The following JAKMIP3 variants were observed in gnomAD, a reference collection of about 807,000 sequenced individuals.
The protein encoded by JAKMIP3 is Janus kinase and microtubule interacting protein 3, also known as janus kinase and microtubule-interacting protein 3.
JAKMIP3 carries 58 observed loss-of-function variants against 118.5 expected under a neutral mutation model. That is an observed-to-expected ratio of 0.49 (90% CI 0.40 to 0.61). The LOEUF (loss-of-function observed/expected upper bound fraction) is 0.61. Ranked by LOEUF, JAKMIP3 falls within the 20% of genes least tolerant of loss-of-function variation. The pLI, the probability that JAKMIP3 is intolerant of heterozygous loss-of-function variation, is 0.00. For missense variants in JAKMIP3, 950 were observed against 1,109.0 expected (o/e 0.86, Z 2.04); for synonymous variants, 486 against 451.2 (o/e 1.08, Z -0.98).
At chr10:132,099,225 C>G (rs888271512) in intron 1 of JAKMIP3, among the ~76,000 whole-genome samples, 1 of 152,084 alleles carries the variant, frequency 6.6e-6, no homozygotes, top group Non-Finnish European at 1.5e-5. Context: ...AGGGGGCCAG[C>G]CTCCTCGTCA....
At chr10:132,156,992 G>T (rs870554) in intron 19 of JAKMIP3, among the ~76,000 whole-genome samples, 4,752 of 152,246 alleles carry the variant, frequency 0.031, 204 homozygotes, top group South Asian at 0.17. Flanking sequence ...TGGGCATTCT[G>T]GTTTCTCTCC....
intron 1 of JAKMIP3, among the ~76,000 whole-genome samples, chr10:132,094,308 G>C (rs2043542230): frequency 6.6e-6 from 1 of 152,064 alleles, no homozygotes. Flanking sequence ...GAGCTAGTGT[G>C]ATTTTTTTGG....
intron 3 of JAKMIP3, among the ~76,000 whole-genome samples, chr10:132,120,302 T>C (rs1056952484): frequency 1.3e-5 from 2 of 152,210 alleles, no homozygotes; most frequent in Non-Finnish European, 2.9e-5. Flanking sequence ...CTGGGTCTGC[T>C]TGGGTCCTGC....
chr10:132,093,208 CG>C, intron 1 of JAKMIP3, among the ~76,000 whole-genome samples: 1 of 152,284 alleles, frequency 6.6e-6, no homozygotes, highest in East Asian at 1.9e-4. Flanking sequence ...TTAGGCTACT[CG>C]GGGGTCAGGG....
upstream of JAKMIP3, among the ~76,000 whole-genome samples, chr10:132,060,353 G>A (rs11146138): frequency 0.33 from 50,145 of 152,050 alleles, 8,713 homozygotes; most frequent in South Asian, 0.53. Flanking sequence ...GCAGGCACAG[G>A]CAGGCTCTGA....
At chr10:132,138,262 G>C in intron 9 of JAKMIP3, 84 bp downstream of exon 9, 1 of 1,273,230 alleles carries the variant, frequency 7.9e-7, no homozygotes, top group Non-Finnish European at 1.1e-6. Flanking sequence ...GAGAGCGCTG[G>C]TGTGTGCGGA....
At chr10:132,076,873 G>A (rs895399073) in intron 1 of JAKMIP3, among the ~76,000 whole-genome samples, 8 of 150,944 alleles carry the variant, frequency 5.3e-5, no homozygotes, top group South Asian at 4.2e-4. Flanking sequence ...GCTGGCCTGC[G>A]GTGTCCCCGG....
intron 1 of JAKMIP3, among the ~76,000 whole-genome samples, chr10:132,042,184 CTCCTTCCTTCCTTCCT>C (rs58374693): frequency 3.0e-5 from 4 of 132,094 alleles, no homozygotes; most frequent in African/African-American, 6.0e-5. Context: ...TGCTCGCTCG[CTCCTTCCTTCCTTCCT>C]TCCTTCCTTC....
At chr10:132,131,196 C>T (rs1564934293) in intron 3 of JAKMIP3, among the ~76,000 whole-genome samples, 5 of 125,280 alleles carry the variant, frequency 4.0e-5, no homozygotes, top group Non-Finnish European at 6.8e-5. Context: ...AGTATGGGGG[C>T]GTTGTGGGGA....
At chr10:132,098,584 C>T (rs1209058314) in intron 1 of JAKMIP3, among the ~76,000 whole-genome samples, 5 of 152,208 alleles carry the variant, frequency 3.3e-5, no homozygotes, top group Non-Finnish European at 5.9e-5. Flanking sequence ...GTGGCCACTG[C>T]AGATCAGAGT....
chr10:132,180,742 C>CGTGTGTGCGTGTGTGT lies in JAKMIP3; in HGVS notation c.*1104-1612_*1104-1611insTGTGCGTGTGTGTGTG, dbSNP rs1262889146. On this transcript the variant is annotated intron_variant, in intron 23 of 23. Transcript: ENST00000684848. ...GTGCGTGTGTGTGCGTGTGTGCGTGCGTGCGCGCGCGTGTGTGCGTGTGTG... is the reference window on the plus strand; with the variant it reads ...GTGCGTGTGTGTGCGTGTGTGCGTGCGTGTGTGCGTGTGTGTGTGCGCGCGCGTGTGTGCGTGTGTG... 2.3e-4 allele frequency among the ~76,000 whole-genome samples: 2 copies of CGTGTGTGCGTGTGTGT among 8,716 alleles called. 1 individual carries two copies. The highest frequency in any genetic ancestry group is 4.3e-4 in the Non-Finnish European group (2 of 4,630). The allele number at this position is 8,716 out of a possible 152,430, so 5.7% of individuals were successfully genotyped here.
At chr10:132,051,372 T>C (rs985965685) in intron 1 of JAKMIP3, among the ~76,000 whole-genome samples, 6 of 151,110 alleles carry the variant, frequency 4.0e-5, no homozygotes, top group African/African-American at 1.5e-4. Context: ...GGGGGGTACC[T>C]GCCTGTCTTT....
chr10:132,076,470 T>C (rs2040805313), intron 1 of JAKMIP3, among the ~76,000 whole-genome samples: 1 of 152,294 alleles, frequency 6.6e-6, no homozygotes, highest in South Asian at 2.1e-4. Flanking sequence ...GCCGTGAACA[T>C]ACCTGTGTGT....
intron 3 of JAKMIP3, among the ~76,000 whole-genome samples, chr10:132,124,244 C>G (rs568711819): frequency 2.0e-5 from 3 of 152,358 alleles, no homozygotes; most frequent in Admixed American, 2.0e-4. Flanking sequence ...GCGTCACAGC[C>G]GAGCCGGCCA....
In JAKMIP3 at chr10:132,137,105, G is replaced by A. The variant is rs1372084747; in HGVS notation, c.1203G>A (p.Lys401=). 6.2e-7 allele frequency: 1 copy of A among 1,613,954 alleles called. No homozygotes were observed. The highest frequency in any genetic ancestry group is 1.1e-5 in the South Asian group (1 of 91,082). The change falls in exon 7 of 24, where the codon AAG becomes AAA. Residue 401 remains lysine, a synonymous_variant. Coordinates refer to ENST00000684848, the MANE Select transcript of JAKMIP3 (RefSeq NM_001323087.2). ...ATGAGAGAGAAGTCGATTTCTTGAAGCTTCAGATTGTGGAGCAGCAAAACC... is the reference window on the plus strand; with the variant it reads ...ATGAGAGAGAAGTCGATTTCTTGAAACTTCAGATTGTGGAGCAGCAAAACC... The part of the protein sequence containing the change: ...SQDEREVDFL[K]LQIVEQQNLI...
Position 132,135,116 on chromosome 10 carries a change from C to T in JAKMIP3, c.925C>T (p.Leu309=), listed in dbSNP as rs772602276. ...IAELSAIIRK[L]EDRNALLSEE... ...GGAGTTAAGTGCGATTATCCGCAAA[C>T]TGGAGGACCGCAATGCATTGCTGTC... The change falls in exon 5 of 24, where the codon CTG becomes TTG. Residue 309 remains leucine, a synonymous_variant. Coordinates refer to ENST00000684848, the MANE Select transcript of JAKMIP3 (RefSeq NM_001323087.2). The T allele has an allele frequency of 6.2e-7, 1 of 1,613,316 alleles. No homozygotes were observed. The highest frequency in any genetic ancestry group is 1.1e-5 in the South Asian group (1 of 91,064).
At chr10:132,129,873 A>G (rs1381335589) in intron 3 of JAKMIP3, among the ~76,000 whole-genome samples, 1 of 109,914 alleles carries the variant, frequency 9.1e-6, no homozygotes, top group African/African-American at 4.0e-5. Flanking sequence ...GGGCATCAGT[A>G]CCTTTTTTTT....
rs1239010659 is a variant in JAKMIP3 at position 132,108,887 on chromosome 10, A to ATATATAAATTATATACGCAAATGTG, written c.135+3968_135+3969insGTATATAAATTATATACGCAAATGT. 2.5e-4 allele frequency among the ~76,000 whole-genome samples: 35 copies of ATATATAAATTATATACGCAAATGTG among 138,334 alleles called. 1 individual carries two copies. The highest frequency in any genetic ancestry group is 9.6e-4 in the African/African-American group (35 of 36,418). 90.8% of individuals were successfully genotyped at this position (138,334 alleles called of 152,430 possible). On this transcript the variant is annotated intron_variant, in intron 2 of 23. Coordinates refer to ENST00000684848, the MANE Select transcript of JAKMIP3 (RefSeq NM_001323087.2). Reference sequence around the variant, plus strand: ...GTATATAAATTATATACACAAATGTATATATAAATTATATACGCAAATGTA... The same window carrying ATATATAAATTATATACGCAAATGTG: ...GTATATAAATTATATACACAAATGTATATATAAATTATATACGCAAATGTGTATATAAATTATATACGCAAATGTA...
intron 1 of JAKMIP3, among the ~76,000 whole-genome samples, chr10:132,050,189 C>G (rs74414291): frequency 6.6e-6 from 1 of 152,160 alleles, no homozygotes; most frequent in East Asian, 1.9e-4. Context: ...TCACTCTTGC[C>G]TCTCTGAGCC....
Sources: gnomAD v4.1 joint callset for allele counts (sites outside exome capture counted in the v4.1 genomes callset) on GRCh38, gnomAD v4.1.1 for gene constraint, MANE v1.5 for transcripts, NCBI Gene and HGNC (gene_info 2026-07-23, HGNC 2026-07-21) for gene names.